Variants in PCDH9 observed in about 807,000 individuals in gnomAD.
PCDH9 encodes the protein protocadherin-9.
A neutral mutation model predicts 70.6 loss-of-function variants in PCDH9; 24 were observed. The observed-to-expected ratio is 0.34, with a 90% CI of 0.25 to 0.48. The LOEUF (loss-of-function observed/expected upper bound fraction) is 0.48, where lower values mean the gene tolerates loss of function less well. Among genes scored for constraint, PCDH9 ranks in the 20% least tolerant of loss-of-function variants. PCDH9 has a pLI of 0.99. For missense variants in PCDH9, 1,281 were observed against 1,503.6 expected (o/e 0.85, Z 2.45); for synonymous variants, 562 against 558.5 (o/e 1.01, Z -0.09).
At chr13:66,445,789 TATA>T (rs1302256222) in intron 4 of PCDH9, among the ~76,000 whole-genome samples, 24 of 143,536 alleles carry the variant, frequency 1.7e-4, no homozygotes, top group Non-Finnish European at 2.9e-4. Flanking sequence ...TATACACATA[TATA>T]ATACATACAC....
chr13:66,481,262 C>T (rs201027851), intron 4 of PCDH9, among the ~76,000 whole-genome samples: 1 of 84,672 alleles, frequency 1.2e-5, no homozygotes, highest in South Asian at 3.9e-4. Context: ...ATGTAACAAA[C>T]TTGCACGTTC....
intron 4 of PCDH9, among the ~76,000 whole-genome samples, chr13:66,348,490 G>A (rs1346543269): frequency 1.3e-5 from 2 of 151,626 alleles, no homozygotes; most frequent in Admixed American, 6.6e-5. Flanking sequence ...TTCCACTTCC[G>A]GGATTCAAGC....
At chr13:66,472,098 G>A (rs991770832) in intron 4 of PCDH9, among the ~76,000 whole-genome samples, 7 of 151,116 alleles carry the variant, frequency 4.6e-5, no homozygotes, top group Non-Finnish European at 1.0e-4. Context: ...TATAATCCCA[G>A]CTTTTCAGGA....
chr13:67,176,733 C>A (rs918757355), intron 2 of PCDH9, among the ~76,000 whole-genome samples: 6 of 152,026 alleles, frequency 3.9e-5, no homozygotes, highest in African/African-American at 1.4e-4. Context: ...ACCCATCTGG[C>A]TCTTTCATGG....
intron 3 of PCDH9, among the ~76,000 whole-genome samples, chr13:66,863,366 TAATA>T (rs1427466582): frequency 2.6e-5 from 4 of 152,194 alleles, no homozygotes; most frequent in Admixed American, 2.6e-4. Flanking sequence ...GCCCAGCAAA[TAATA>T]AATGATCATT....
Position 66,975,282 on chromosome 13 carries a change from T to C in PCDH9, c.3037-71677A>G, listed in dbSNP as rs142010963. 2.7e-3 allele frequency among the ~76,000 whole-genome samples: 410 copies of C among 152,134 alleles called. 2 individuals are homozygous for C. Among genetic ancestry groups the C allele is most frequent in the African/African-American group, 9.5e-3 (394 of 41,544 alleles). On this transcript the variant is annotated intron_variant, in intron 2 of 4. Coordinates refer to ENST00000377865, the MANE Select transcript of PCDH9 (RefSeq NM_203487.3). ...TATTTGGAGAGATCTCAATAAAATA[T>C]GAACTATTTGGGAAGGAAGATACAA...
At chr13:66,853,226 A>G (rs1387563847) in intron 3 of PCDH9, among the ~76,000 whole-genome samples, 1 of 150,296 alleles carries the variant, frequency 6.7e-6, no homozygotes, top group African/African-American at 2.4e-5. Context: ...TAATAATAAT[A>G]ATAATGATAA....
At chr13:66,420,159 G>C (rs911894500) in intron 4 of PCDH9, among the ~76,000 whole-genome samples, 1 of 152,176 alleles carries the variant, frequency 6.6e-6, no homozygotes, top group Non-Finnish European at 1.5e-5. Flanking sequence ...CTGAAAGAAA[G>C]GCAGCAGCCC....
intron 2 of PCDH9, among the ~76,000 whole-genome samples, chr13:67,187,786 A>G (rs1594630996): frequency 6.6e-6 from 1 of 152,254 alleles, no homozygotes; most frequent in East Asian, 1.9e-4. Context: ...TTATGGATAC[A>G]TAACAGTTGT....
At position 66,482,766 on chromosome 13, in the gene PCDH9, T is replaced by G. The variant is rs112091310; in HGVS notation, c.3340+148444A>C. On this transcript the variant is annotated intron_variant, in intron 4 of 4. Coordinates refer to ENST00000377865, the MANE Select transcript of PCDH9 (RefSeq NM_203487.3). ...TCTTTATTCTGATCTCCCCTATATT[T>G]GATTAATTCTGATCATTCTCCAATA... is the stretch of plus-strand genomic sequence containing the variant. 3.6e-3 allele frequency among the ~76,000 whole-genome samples: 549 copies of G among 152,362 alleles called. 6 individuals are homozygous for G. The highest frequency in any genetic ancestry group is 0.013 in the African/African-American group (531 of 41,586).
chr13:66,441,405 GA>G (rs1357233551), intron 4 of PCDH9, among the ~76,000 whole-genome samples: 5 of 151,898 alleles, frequency 3.3e-5, no homozygotes, highest in African/African-American at 7.2e-5. Flanking sequence ...AAGGAGGGAA[GA>G]AAAAAATATT....
At chr13:66,679,302 T>A in intron 3 of PCDH9, among the ~76,000 whole-genome samples, 1 of 151,768 alleles carries the variant, frequency 6.6e-6, no homozygotes, top group East Asian at 1.9e-4. Context: ...ATAATACAAT[T>A]ATAATACCTA....
At chr13:67,039,710 A>G (rs555461094) in intron 2 of PCDH9, among the ~76,000 whole-genome samples, 64 of 152,334 alleles carry the variant, frequency 4.2e-4, no homozygotes, top group Admixed American at 9.8e-4. Context: ...ATGAATCAGT[A>G]ATAAGTAAAA....
chr13:66,731,178 A>G (rs2079075135), intron 3 of PCDH9, among the ~76,000 whole-genome samples: 1 of 152,066 alleles, frequency 6.6e-6, no homozygotes, highest in South Asian at 2.1e-4. Flanking sequence ...AATGATGACA[A>G]TCAGAGGCAT....
intron 3 of PCDH9, among the ~76,000 whole-genome samples, chr13:66,768,744 G>A (rs2079758345): frequency 6.6e-6 from 1 of 151,890 alleles, no homozygotes; most frequent in African/African-American, 2.4e-5. Flanking sequence ...TTTTATCCTT[G>A]GTATTTTATC....
At chr13:66,360,997 G>C (rs987958717) in intron 4 of PCDH9, among the ~76,000 whole-genome samples, 1 of 152,002 alleles carries the variant, frequency 6.6e-6, no homozygotes, top group Non-Finnish European at 1.5e-5. Flanking sequence ...AAATGAAGTG[G>C]GGTGACTACT....
intron 3 of PCDH9, among the ~76,000 whole-genome samples, chr13:66,861,294 T>C (rs2081480216): frequency 6.6e-6 from 1 of 152,192 alleles, no homozygotes; most frequent in South Asian, 2.1e-4. Context: ...ACTGGGGTGA[T>C]AAATCAGAAC....
chr13:67,114,293 G>A (rs1161788624), intron 2 of PCDH9, among the ~76,000 whole-genome samples: 2 of 152,020 alleles, frequency 1.3e-5, no homozygotes, highest in Non-Finnish European at 1.5e-5. Context: ...TATAATATAT[G>A]TAAATCTGTG....
chr13:67,072,431 C>T (rs9529180), intron 2 of PCDH9, among the ~76,000 whole-genome samples: 16,682 of 152,132 alleles, frequency 0.11, 998 homozygotes, highest in African/African-American at 0.13. Context: ...ATCACACTTC[C>T]GCATGACTAT....
Sources: gnomAD v4.1 joint callset for allele counts (sites outside exome capture counted in the v4.1 genomes callset) on GRCh38, gnomAD v4.1.1 for gene constraint, MANE v1.5 for transcripts, NCBI Gene and HGNC (gene_info 2026-07-23, HGNC 2026-07-21) for gene names.